The following UBOX5 variants were observed in gnomAD, a reference collection of about 807,000 sequenced individuals.
UBOX5 encodes the protein U-box domain containing 5.
Under a neutral mutation model 39.0 loss-of-function variants are expected in UBOX5, and 28 were observed. The ratio of observed to expected loss-of-function variants is 0.72; its 90% confidence interval spans 0.53 to 0.98. UBOX5 has a LOEUF of 0.98. UBOX5 is among the 50% of genes least tolerant of loss of function. The probability of loss-of-function intolerance (pLI) is 0.00; values close to 1 mark genes in which losing one functional copy is unlikely to be tolerated. For missense variants in UBOX5, 585 were observed against 674.4 expected (o/e 0.87, Z 1.47); for synonymous variants, 283 against 275.5 (o/e 1.03, Z -0.27).
At chr20:3,123,125 C>A (rs939307488) in intron 2 of UBOX5, among the ~76,000 whole-genome samples, 187 bp downstream of exon 2, 1 of 152,156 alleles carries the variant, frequency 6.6e-6, no homozygotes, top group Admixed American at 6.5e-5. Flanking sequence ...GCTCACCTCA[C>A]CATGGCGCTG....
At position 3,148,312 on chromosome 20, in the gene UBOX5, G is replaced by A. The variant is rs115747349; in HGVS notation, c.-42+11454C>T. The stretch of plus-strand genomic sequence containing the variant: ...AAAACCTAGGTACTTTGCGGCCTAA[G>A]TACCTCCAGAGATCAGCCACCAAAA... On this transcript the variant is annotated intron_variant, in intron 1 of 4. Coordinates refer to ENST00000217173, the MANE Select transcript of UBOX5 (RefSeq NM_014948.4). 1.1e-4 allele frequency: 180 copies of A among 1,613,790 alleles called. No homozygotes were observed. In the East Asian group the frequency reaches 2.6e-3, roughly 23 times the overall value.
chr20:3,118,794 C>T (rs1213592248), intron 3 of UBOX5, among the ~76,000 whole-genome samples: 3 of 152,020 alleles, frequency 2.0e-5, no homozygotes, highest in East Asian at 3.9e-4. Context: ...AAAAAATCAG[C>T]CAGGCGTGTT....
intron 1 of UBOX5, among the ~76,000 whole-genome samples, chr20:3,133,805 G>C (rs942193726): frequency 6.6e-6 from 1 of 151,634 alleles, no homozygotes; most frequent in African/African-American, 2.4e-5. Flanking sequence ...GGAAAGCAGT[G>C]GTGCAATCTC....
At position 3,152,739 on chromosome 20, in the gene UBOX5, C is replaced by G. The variant is rs1026351037; in HGVS notation, c.-42+7027G>C. On this transcript the variant is annotated intron_variant, in intron 1 of 4. Coordinates refer to ENST00000217173, the MANE Select transcript of UBOX5 (RefSeq NM_014948.4). Reference sequence around the variant, plus strand: ...CCTAGCCAATATGGGGAAACGCCATCTCTACTAAAAATACAAAAATTAGCT... The same window carrying G: ...CCTAGCCAATATGGGGAAACGCCATGTCTACTAAAAATACAAAAATTAGCT... Among the ~76,000 whole-genome samples, 9 of 152,022 alleles carry G rather than the reference C, an allele frequency of 5.9e-5. No homozygotes were observed. In the East Asian group the frequency reaches 7.7e-4, roughly 13 times the overall value.
chr20:3,136,821 A>G (rs887795546), intron 1 of UBOX5, among the ~76,000 whole-genome samples: 65 of 151,158 alleles, frequency 4.3e-4, no homozygotes, highest in African/African-American at 1.5e-3. Context: ...ATGCCCAGCT[A>G]ATTTTTTGTA....
chr20:3,148,415 G>A (rs1349822356), intron 1 of UBOX5: 46 of 1,614,034 alleles, frequency 2.9e-5, no homozygotes, highest in Non-Finnish European at 3.7e-5. Context: ...ATGGGAGTGA[G>A]GGATTCCTAA....
intron 1 of UBOX5, among the ~76,000 whole-genome samples, chr20:3,133,762 G>GA (rs1431866588): frequency 2.0e-5 from 3 of 150,580 alleles, no homozygotes; most frequent in Non-Finnish European, 3.0e-5. Flanking sequence ...TTTTTGGGGG[G>GA]GGGAAACAGG....
rs1167383862 is a variant in UBOX5 at position 3,148,268 on chromosome 20, T to C, written c.-42+11498A>G. 4 of 1,611,346 alleles carry C rather than the reference T, an allele frequency of 2.5e-6. No homozygotes were observed. In the South Asian group the frequency reaches 4.4e-5, roughly 18 times the overall value. On this transcript the variant is annotated intron_variant, in intron 1 of 4. Transcript: ENST00000217173. ...TAGATCCTTCCAGTGCAAATTAAGA[T>C]AACTAGAAAAAATGTTTAAAAACCT...
In UBOX5 at chr20:3,113,728, C is replaced by T. The variant is rs75180164; in HGVS notation, c.1417+1577G>A. On this transcript the variant is annotated intron_variant, in intron 4 of 4. Transcript: ENST00000217173. Reference sequence around the variant, plus strand: ...AGAATGACTTCTGTGTTAGAAGCCTCACCACAAGACAGAAGATGCTGCCCT... The same window carrying T: ...AGAATGACTTCTGTGTTAGAAGCCTTACCACAAGACAGAAGATGCTGCCCT... Among the ~76,000 whole-genome samples the T allele has an allele frequency of 4.6e-3, 702 of 152,260 alleles. 1 individual carries two copies. Among genetic ancestry groups the T allele is most frequent in the Non-Finnish European group, 7.0e-3 (473 of 68,024 alleles).
Position 3,125,526 on chromosome 20 carries a change from G to A in UBOX5, c.-41-2120C>T, listed in dbSNP as rs1278672694. 2.2e-5 allele frequency among the ~76,000 whole-genome samples: 3 copies of A among 133,682 alleles called. No individual in the cohort carries two copies. The Admixed American group carries it at 2.4e-4, about 11-fold the overall frequency. The allele number at this position is 133,682 out of a possible 152,430, so 87.7% of individuals were successfully genotyped here. ...GAGAAGTGAGGAGTGCCTCTGCCCG[G>A]CCACCCATCGTCTGGGAGGTGAGGA... On this transcript the variant is annotated intron_variant, in intron 1 of 4. Transcript: ENST00000217173.
intron 1 of UBOX5, among the ~76,000 whole-genome samples, chr20:3,153,722 G>A (rs1278709123): frequency 6.6e-6 from 1 of 152,182 alleles, no homozygotes; most frequent in Non-Finnish European, 1.5e-5. Context: ...AACAGTCTAC[G>A]ATTCTATCAC....
chr20:3,115,462 TGGACCTGTCGA>T lies in UBOX5; in HGVS notation c.1256-7_1259del. 1.2e-6 allele frequency: 2 copies of T among 1,612,576 alleles called. No individual in the cohort carries two copies. The highest frequency in any genetic ancestry group is 4.5e-5 in the East Asian group (2 of 44,844). On this transcript the variant is annotated splice_acceptor_variant and splice_polypyrimidine_tract_variant and coding_sequence_variant and intron_variant, in exon 4 of 5. Transcript: ENST00000217173. LOFTEE classifies it high-confidence loss of function. ...GTGACAGCTTCTGCTCGTGGGACAG[TGGACCTGTCGA>T]GAGATGCGCACAGCACAACATCCAG...
At chr20:3,124,995 C>T (rs1391469099) in intron 1 of UBOX5, among the ~76,000 whole-genome samples, 1 of 151,004 alleles carries the variant, frequency 6.6e-6, no homozygotes, top group African/African-American at 2.4e-5. Context: ...CTCTGCCCGG[C>T]CGCCCCGTCT....
chr20:3,155,213 G>A (rs2122129042), intron 1 of UBOX5, among the ~76,000 whole-genome samples: 1 of 152,090 alleles, frequency 6.6e-6, no homozygotes, highest in East Asian at 1.9e-4. Context: ...GGGTAACATG[G>A]TGAAACCCTG....
chr20:3,146,951 T>A (rs369345081), intron 1 of UBOX5: 9 of 1,614,172 alleles, frequency 5.6e-6, no homozygotes, highest in Non-Finnish European at 7.6e-6. Flanking sequence ...GCCATAGCAA[T>A]ACTGGTTCCT....
At chr20:3,125,203 G>A (rs142915987) in intron 1 of UBOX5, among the ~76,000 whole-genome samples, 235 of 148,190 alleles carry the variant, frequency 1.6e-3, no homozygotes, top group East Asian at 0.014. Flanking sequence ...TCTGAGAAGT[G>A]AGGAGTGCCT....
At chr20:3,114,262 G>A (rs6115792) in intron 4 of UBOX5, among the ~76,000 whole-genome samples, 17,646 of 152,052 alleles carry the variant, frequency 0.12, 2,017 homozygotes, top group East Asian at 0.38. Context: ...GGGTAACAGA[G>A]AATATTGAGA....
At chr20:3,135,030 G>C (rs539506605) in intron 1 of UBOX5, among the ~76,000 whole-genome samples, 6 of 152,084 alleles carry the variant, frequency 3.9e-5, no homozygotes, top group African/African-American at 1.4e-4. Flanking sequence ...AAAATATGAA[G>C]GTGCAAATAG....
chr20:3,156,415 G>A (rs2066686353), intron 1 of UBOX5, among the ~76,000 whole-genome samples: 1 of 152,238 alleles, frequency 6.6e-6, no homozygotes, highest in East Asian at 1.9e-4. Context: ...CTGGCCTCAA[G>A]TGATCCACCT....
Sources: allele counts gnomAD v4.1 joint callset (sites outside exome capture counted in the v4.1 genomes callset), GRCh38; gene constraint gnomAD v4.1.1; transcripts MANE v1.5; gene names NCBI Gene and HGNC (gene_info 2026-07-23, HGNC 2026-07-21).